The following DARS1 variants were observed in gnomAD, a reference collection of about 807,000 sequenced individuals.
DARS1 encodes aspartyl-tRNA synthetase 1.
DARS1 carries 51 observed loss-of-function variants against 68.8 expected under a neutral mutation model. The ratio of observed to expected loss-of-function variants is 0.74; its 90% confidence interval spans 0.59 to 0.94. The LOEUF is 0.94. DARS1 is among the 40% of genes least tolerant of loss of function. DARS1 has a pLI of 0.00. For missense variants in DARS1, 607 were observed against 597.3 expected, an observed-to-expected ratio of 1.02 and a Z score of -0.17; for synonymous variants, 203 against 190.4, an observed-to-expected ratio of 1.07 and a Z score of -0.55.
chr2:135,910,055 C>T (rs1680864319), intron 15 of DARS1, among the ~76,000 whole-genome samples: 1 of 152,130 alleles, frequency 6.6e-6, no homozygotes, highest in African/African-American at 2.4e-5. Flanking sequence ...CTTTCTTTAT[C>T]CATTCATCCA....
intron 3 of DARS1, among the ~76,000 whole-genome samples, chr2:135,976,539 C>T (rs1269742757): frequency 2.0e-5 from 3 of 152,084 alleles, no homozygotes; most frequent in Non-Finnish European, 2.9e-5. Flanking sequence ...AGTCCTTACA[C>T]CTTGCAATTT....
chr2:135,962,707 G>A (rs1682126890), intron 3 of DARS1, among the ~76,000 whole-genome samples: 1 of 152,134 alleles, frequency 6.6e-6, no homozygotes, highest in Non-Finnish European at 1.5e-5. Flanking sequence ...TGCTTTGGAG[G>A]ATGATCCAGT....
At position 135,963,518 on chromosome 2, in the gene DARS1, C is replaced by A. The variant is rs545535331; in HGVS notation, c.218-2020G>T. Among the ~76,000 whole-genome samples, 3 of 151,672 alleles carry A rather than the reference C, an allele frequency of 2.0e-5. No individual in the cohort carries two copies. The East Asian group carries it at 5.8e-4, about 30-fold the overall frequency. Reference sequence around the variant, plus strand: ...TCTTGTGTAGCTGGGATTACAGGCACGTGCCACCAGGCCTAGCTAATTTTT... The same window carrying A: ...TCTTGTGTAGCTGGGATTACAGGCAAGTGCCACCAGGCCTAGCTAATTTTT... On this transcript the variant is annotated intron_variant, in intron 3 of 15. Coordinates refer to ENST00000264161, the MANE Select transcript of DARS1 (RefSeq NM_001349.4).
chr2:135,981,269 T>TA (rs1360195248), intron 2 of DARS1, among the ~76,000 whole-genome samples: 1 of 152,220 alleles, frequency 6.6e-6, no homozygotes, highest in East Asian at 1.9e-4. Context: ...TTCTTTGTGT[T>TA]ACAGCTCAAG....
intron 3 of DARS1, among the ~76,000 whole-genome samples, chr2:135,973,551 T>G (rs183466010): frequency 4.6e-5 from 7 of 151,908 alleles, no homozygotes; most frequent in East Asian, 1.9e-4. Context: ...ATTGTACATT[T>G]AAAAATAACT....
At chr2:135,913,135 T>G (rs1680932137) in intron 12 of DARS1, among the ~76,000 whole-genome samples, 1 of 152,062 alleles carries the variant, frequency 6.6e-6, no homozygotes. Flanking sequence ...TGATTTTTAC[T>G]TTTTTCTTTG....
chr2:135,932,430 G>A (rs1371055608), intron 7 of DARS1, among the ~76,000 whole-genome samples: 1 of 152,058 alleles, frequency 6.6e-6, no homozygotes, highest in African/African-American at 2.4e-5. Flanking sequence ...TCTCAAATGT[G>A]CATGTAATTT....
intron 7 of DARS1, among the ~76,000 whole-genome samples, chr2:135,931,189 T>C (rs1468994948): frequency 1.3e-5 from 2 of 152,212 alleles, no homozygotes; most frequent in Non-Finnish European, 2.9e-5. Context: ...GCCCTTGACT[T>C]TGCTGAGAGT....
chr2:135,913,250 G>T (rs1450368852), intron 12 of DARS1, among the ~76,000 whole-genome samples: 1 of 151,598 alleles, frequency 6.6e-6, no homozygotes, highest in Non-Finnish European at 1.5e-5. Context: ...GAATTATTTT[G>T]GGAAATTTGA....
chr2:135,983,283 A>C, intron 2 of DARS1, 114 bp downstream of exon 2: 1 of 671,012 alleles, frequency 1.5e-6, no homozygotes, highest in Admixed American at 2.9e-5. Context: ...ATGTCATTTA[A>C]GCTTTTCAGA....
At chr2:135,959,475 AAAT>A (rs1274037545) in intron 4 of DARS1, among the ~76,000 whole-genome samples, 1 of 151,382 alleles carries the variant, frequency 6.6e-6, no homozygotes, top group Non-Finnish European at 1.5e-5. Context: ...GCCTTTAATA[AAAT>A]AATGATAAAA....
intron 3 of DARS1, among the ~76,000 whole-genome samples, chr2:135,966,728 T>G (rs1330490618): frequency 1.3e-5 from 2 of 152,140 alleles, no homozygotes; most frequent in African/African-American, 4.8e-5. Context: ...GAGATGGAGT[T>G]TCACCATGTT....
chr2:135,948,191 T>C (rs1681769147), intron 4 of DARS1, among the ~76,000 whole-genome samples: 4 of 152,184 alleles, frequency 2.6e-5, no homozygotes. Context: ...ATAAATACCC[T>C]GTTCCAACAA....
At chr2:135,927,651 A>C (rs188381415) in intron 7 of DARS1, among the ~76,000 whole-genome samples, 54 of 152,276 alleles carry the variant, frequency 3.5e-4, no homozygotes, top group African/African-American at 1.3e-3. Context: ...GTGTTAGATG[A>C]TAACGGCGAT....
At chr2:135,912,760 A>G (rs1009558170) in intron 12 of DARS1, among the ~76,000 whole-genome samples, 194 bp from the exon 13 acceptor site, 1 of 152,034 alleles carries the variant, frequency 6.6e-6, no homozygotes, top group Non-Finnish European at 1.5e-5. Flanking sequence ...AAATTCTTGC[A>G]ATACCTAATT....
intron 12 of DARS1, among the ~76,000 whole-genome samples, chr2:135,913,099 C>A (rs1680931396): frequency 6.7e-6 from 1 of 148,972 alleles, no homozygotes; most frequent in South Asian, 2.1e-4. Flanking sequence ...CTCCCCCATT[C>A]TAAATTACAC....
intron 3 of DARS1, among the ~76,000 whole-genome samples, chr2:135,974,087 G>T (rs1682446070): frequency 6.6e-6 from 1 of 152,086 alleles, no homozygotes; most frequent in Non-Finnish European, 1.5e-5. Flanking sequence ...GTTTTTAAAA[G>T]TCCTTTTTTA....
At chr2:135,980,012 G>A (rs553265454) in intron 2 of DARS1, among the ~76,000 whole-genome samples, 1 of 152,282 alleles carries the variant, frequency 6.6e-6, no homozygotes, top group Admixed American at 6.5e-5. Context: ...ATGTTTGCAG[G>A]ATTCGAGAAG....
intron 4 of DARS1, among the ~76,000 whole-genome samples, chr2:135,949,100 G>A (rs961431662): frequency 1.3e-5 from 2 of 151,934 alleles, no homozygotes; most frequent in Non-Finnish European, 2.9e-5. Context: ...AAATATATAT[G>A]TATACACATA....
Sources: allele counts gnomAD v4.1 joint callset (sites outside exome capture counted in the v4.1 genomes callset), GRCh38; gene constraint gnomAD v4.1.1; transcripts MANE v1.5; gene names NCBI Gene and HGNC (gene_info 2026-07-23, HGNC 2026-07-21).